CTNNA3: variants seen among roughly 807,000 people sequenced by gnomAD.
CTNNA3 encodes catenin alpha 3, also known as catenin alpha-3.
Under a neutral mutation model 95.7 loss-of-function variants are expected in CTNNA3, and 76 were observed. The ratio of observed to expected loss-of-function variants is 0.79; its 90% confidence interval spans 0.66 to 0.96. The LOEUF (loss-of-function observed/expected upper bound fraction) is 0.96, where lower values mean the gene tolerates loss of function less well. CTNNA3 is among the 40% of genes least tolerant of loss of function. The probability of loss-of-function intolerance (pLI) is 0.00; values close to 1 mark genes in which losing one functional copy is unlikely to be tolerated. For missense variants in CTNNA3, 1,191 were observed against 1,089.8 expected (o/e 1.09, Z -1.31); for synonymous variants, 431 against 374.4 (o/e 1.15, Z -1.74).
intron 5 of CTNNA3, among the ~76,000 whole-genome samples, chr10:67,444,190 A>T (rs1589296141): frequency 6.6e-6 from 1 of 152,210 alleles, no homozygotes; most frequent in Non-Finnish European, 1.5e-5. Flanking sequence ...AATAATATCA[A>T]GGATCTCTTC....
intron 9 of CTNNA3, among the ~76,000 whole-genome samples, chr10:66,697,784 A>C (rs1181750671): frequency 6.6e-6 from 1 of 152,178 alleles, no homozygotes; most frequent in Non-Finnish European, 1.5e-5. Context: ...TTCGTGAATG[A>C]GTATCGTGAG....
In CTNNA3 at chr10:66,440,703, A is replaced by G. The variant is rs567414694; in HGVS notation, c.1532-61351T>C. On this transcript the variant is annotated intron_variant, in intron 11 of 17. Transcript: ENST00000433211. ...CATCAAATCTGGAGCCAGATTATGT[A>G]GGTTTAAATCCTGGGGCACCCTCAT... Among the ~76,000 whole-genome samples the G allele has an allele frequency of 8.2e-4, 125 of 152,296 alleles. 2 individuals carry two copies. Among genetic ancestry groups the G allele is most frequent in the African/African-American group, 2.7e-3 (113 of 41,570 alleles).
intron 10 of CTNNA3, among the ~76,000 whole-genome samples, chr10:66,523,662 C>T (rs1279383294): frequency 6.6e-6 from 1 of 152,070 alleles, no homozygotes; most frequent in East Asian, 1.9e-4. Flanking sequence ...ATGTCGGTCA[C>T]TTGACCCTGA....
In CTNNA3 at chr10:67,237,173, T is replaced by TACAC. The variant is rs1451071914; in HGVS notation, c.580-17307_580-17304dup. On this transcript the variant is annotated intron_variant, in intron 5 of 17. Transcript: ENST00000433211. Reference sequence around the variant, plus strand: ...ATATATATATATATATATATATATATACACACACAATGGAATACTACTCAG... The same window carrying TACAC: ...ATATATATATATATATATATATATATACACACACACACAATGGAATACTACTCAG... Among the ~76,000 whole-genome samples the TACAC allele has an allele frequency of 3.2e-3, 359 of 112,658 alleles. 11 individuals are homozygous for TACAC. Among genetic ancestry groups the TACAC allele is most frequent in the South Asian group, 0.021 (56 of 2,640 alleles). The allele number at this position is 112,658 out of a possible 152,430, so 73.9% of individuals were successfully genotyped here.
intron 7 of CTNNA3, among the ~76,000 whole-genome samples, chr10:66,893,981 C>G (rs992939390): frequency 6.6e-6 from 1 of 152,022 alleles, no homozygotes. Context: ...TTAAAATTCT[C>G]TGAATCAACT....
At chr10:67,037,721 T>C (rs1167949200) in intron 7 of CTNNA3, among the ~76,000 whole-genome samples, 1 of 152,064 alleles carries the variant, frequency 6.6e-6, no homozygotes, top group African/African-American at 2.4e-5. Flanking sequence ...ACTAAATAGG[T>C]GTAGGTGGTG....
chr10:66,711,001 G>A (rs938021141), intron 9 of CTNNA3, among the ~76,000 whole-genome samples: 17 of 151,940 alleles, frequency 1.1e-4, no homozygotes, highest in Non-Finnish European at 2.5e-4. Context: ...TTAAAAATGT[G>A]TTAGCAGTTT....
intron 7 of CTNNA3, among the ~76,000 whole-genome samples, chr10:67,117,861 T>C (rs568305729): frequency 3.3e-5 from 5 of 152,186 alleles, no homozygotes; most frequent in Admixed American, 2.6e-4. Context: ...TATTTATTAA[T>C]GACTTAGAAG....
chr10:66,120,453 C>T (rs1275884022), intron 13 of CTNNA3, among the ~76,000 whole-genome samples: 1 of 151,866 alleles, frequency 6.6e-6, no homozygotes, highest in African/African-American at 2.4e-5. Flanking sequence ...TGTCCTGGTC[C>T]AGTTATCTAC....
chr10:67,563,026 G>A (rs1437787606), intron 3 of CTNNA3, among the ~76,000 whole-genome samples: 1 of 151,978 alleles, frequency 6.6e-6, no homozygotes, highest in Admixed American at 6.6e-5. Context: ...CATGCTCATG[G>A]GTAGGAAGAA....
intron 1 of CTNNA3, among the ~76,000 whole-genome samples, chr10:67,710,465 C>G (rs536676860): frequency 6.6e-5 from 10 of 152,162 alleles, no homozygotes; most frequent in African/African-American, 2.2e-4. Context: ...AGCTAGAAAC[C>G]CAGGATTTTA....
intron 5 of CTNNA3, among the ~76,000 whole-genome samples, chr10:67,286,670 T>C (rs1227067927): frequency 2.0e-5 from 3 of 152,124 alleles, no homozygotes; most frequent in African/African-American, 7.2e-5. Context: ...ATCACCTAAT[T>C]TTTCTCCTGT....
intron 14 of CTNNA3, among the ~76,000 whole-genome samples, chr10:66,100,189 C>T (rs564892756): frequency 8.5e-5 from 13 of 152,176 alleles, no homozygotes; most frequent in African/African-American, 3.1e-4. Flanking sequence ...AACATGGTTA[C>T]TACTTGATCC....
At chr10:67,139,005 T>C (rs1802697985) in intron 7 of CTNNA3, among the ~76,000 whole-genome samples, 1 of 152,150 alleles carries the variant, frequency 6.6e-6, no homozygotes, top group Non-Finnish European at 1.5e-5. Flanking sequence ...CAAAATAAAA[T>C]CATACTCTTA....
chr10:66,955,881 T>TG lies in CTNNA3; in HGVS notation c.1048-180358dup, dbSNP rs564200058. On this transcript the variant is annotated intron_variant, in intron 7 of 17. Transcript: ENST00000433211. ...CTCACCTTCATCACCAAGATCTGAC[T>TG]GGGGGGTATCTTTCTCTAGTGACGC... 7.9e-5 allele frequency among the ~76,000 whole-genome samples: 12 copies of TG among 152,202 alleles called. No homozygotes were observed. In the South Asian group the frequency reaches 2.1e-3, roughly 26 times the overall value.
At chr10:67,614,943 C>T (rs191286729) in intron 2 of CTNNA3, among the ~76,000 whole-genome samples, 1 of 152,322 alleles carries the variant, frequency 6.6e-6, no homozygotes, top group East Asian at 1.9e-4. Flanking sequence ...ACATCCTAAT[C>T]TCTTCTGATA....
At chr10:67,028,628 T>C (rs569934031) in intron 7 of CTNNA3, among the ~76,000 whole-genome samples, 70 of 142,500 alleles carry the variant, frequency 4.9e-4, no homozygotes, top group Non-Finnish European at 8.6e-4. Context: ...AGATAACTGA[T>C]ACAACAAGCT....
chr10:66,254,626 A>T lies in CTNNA3; in HGVS notation c.1884+25844T>A, dbSNP rs1465659493. 3.3e-5 allele frequency among the ~76,000 whole-genome samples: 5 copies of T among 152,322 alleles called. No individual in the cohort carries two copies. In the East Asian group the frequency reaches 7.7e-4, roughly 24 times the overall value. The stretch of plus-strand genomic sequence containing the variant: ...AATAAATTCTTCTTGCCAACCTGAG[A>T]GTCAACCACTTTCTGATGCTGGGGC... On this transcript the variant is annotated intron_variant, in intron 13 of 17. Coordinates refer to ENST00000433211, the MANE Select transcript of CTNNA3 (RefSeq NM_013266.4).
At chr10:67,452,105 G>GGAAGGAAGGAT (rs1847011696) in intron 5 of CTNNA3, among the ~76,000 whole-genome samples, 1 of 120,148 alleles carries the variant, frequency 8.3e-6, no homozygotes, top group African/African-American at 3.5e-5. Flanking sequence ...GAAGGAAGGA[G>GGAAGGAAGGAT]TAGGGAGAAA....
Sources: allele counts gnomAD v4.1 joint callset (sites outside exome capture counted in the v4.1 genomes callset), GRCh38; gene constraint gnomAD v4.1.1; transcripts MANE v1.5; gene names NCBI Gene and HGNC (gene_info 2026-07-23, HGNC 2026-07-21).